The following ITPR1 variants were observed in gnomAD, a reference collection of about 807,000 sequenced individuals.
ITPR1 encodes the protein inositol 1,4,5-trisphosphate-gated calcium channel ITPR1.
In ITPR1, 96 loss-of-function variants were observed where a neutral mutation model predicts 318.4. The ratio of observed to expected loss-of-function variants is 0.30; its 90% CI spans 0.26 to 0.36. The LOEUF (loss-of-function observed/expected upper bound fraction) is 0.36. Ranked by LOEUF, ITPR1 falls within the 10% of genes least tolerant of loss-of-function variation. ITPR1 has a pLI of 1.00. For missense variants in ITPR1, 2,440 were observed against 3,460.2 expected (o/e 0.71, Z 7.40); for synonymous variants, 1,312 against 1,289.9 (o/e 1.02, Z -0.37).
chr3:4,649,176 G>T (rs1301214961), intron 10 of ITPR1, among the ~76,000 whole-genome samples: 2 of 152,164 alleles, frequency 1.3e-5, no homozygotes, highest in Non-Finnish European at 2.9e-5. Flanking sequence ...AAGAAAACAA[G>T]GGAAGAAGTG....
At chr3:4,688,740 C>T (rs1215886396) in intron 31 of ITPR1, 120 bp downstream of exon 31, 6 of 914,710 alleles carry the variant, frequency 6.6e-6, no homozygotes, top group Non-Finnish European at 9.7e-6. Context: ...AACATTCATT[C>T]CAAAGGGGAA....
In ITPR1 at chr3:4,645,369, C is replaced by T; in HGVS notation, c.625-18C>T. 6.3e-7 allele frequency: 1 copy of T among 1,581,970 alleles called. No homozygotes were observed. Among genetic ancestry groups the T allele is most frequent in the Non-Finnish European group, 8.7e-7 (1 of 1,152,256 alleles). Reference sequence around the variant, plus strand: ...TTGTGAGGGGTACGTGAAAAAATAACTCGAATCTGTGTTTCAGGTCAATTC... The same window carrying T: ...TTGTGAGGGGTACGTGAAAAAATAATTCGAATCTGTGTTTCAGGTCAATTC... On this transcript the variant is annotated intron_variant, in intron 8 of 61. Transcript: ENST00000649015.
chr3:4,655,929 C>G (rs1559624480), intron 12 of ITPR1, among the ~76,000 whole-genome samples: 1 of 152,194 alleles, frequency 6.6e-6, no homozygotes. Context: ...CCCTCATACT[C>G]TTCTTGGTTT....
intron 44 of ITPR1, among the ~76,000 whole-genome samples, chr3:4,738,268 GCTTTA>G (rs2043426778): frequency 6.6e-6 from 1 of 152,152 alleles, no homozygotes. Flanking sequence ...AAATTAGTGT[GCTTTA>G]CTGTACCTAT....
At chr3:4,598,514 G>A (rs934561498) in intron 4 of ITPR1, among the ~76,000 whole-genome samples, 4 of 152,052 alleles carry the variant, frequency 2.6e-5, no homozygotes, top group African/African-American at 4.8e-5. Context: ...CCAGCTACTC[G>A]GTGGGGCCGA....
At chr3:4,711,562 C>A in intron 38 of ITPR1, 195 bp from the exon 39 acceptor site, 1 of 551,348 alleles carries the variant, frequency 1.8e-6, no homozygotes, top group Admixed American at 3.2e-5. Context: ...TGTGATTTAC[C>A]AGCAGGTGTC....
chr3:4,572,001 A>G (rs2088056211), intron 4 of ITPR1, among the ~76,000 whole-genome samples: 1 of 152,182 alleles, frequency 6.6e-6, no homozygotes, highest in African/African-American at 2.4e-5. Flanking sequence ...GTCTGAGTCT[A>G]ATTCATTTCC....
At chr3:4,580,210 A>G (rs1336963406) in intron 4 of ITPR1, among the ~76,000 whole-genome samples, 2 of 151,452 alleles carry the variant, frequency 1.3e-5, no homozygotes, top group Non-Finnish European at 2.9e-5. Context: ...ACTCCGTCTC[A>G]AAAAAAAACC....
chr3:4,537,322 G>A (rs750289226), intron 4 of ITPR1, among the ~76,000 whole-genome samples: 4 of 152,136 alleles, frequency 2.6e-5, no homozygotes, highest in Non-Finnish European at 5.9e-5. Flanking sequence ...TCTTTAAAGG[G>A]CTGTTTCTTC....
At chr3:4,680,770 C>T (rs928465152) in intron 25 of ITPR1, 79 bp downstream of exon 25, 23 of 1,288,522 alleles carry the variant, frequency 1.8e-5, no homozygotes, top group Non-Finnish European at 2.3e-5. Flanking sequence ...ACAGTATCTT[C>T]TAGAAAAAGG....
chr3:4,765,074 G>GAAAA (rs1553734300), intron 44 of ITPR1, among the ~76,000 whole-genome samples: 1 of 151,782 alleles, frequency 6.6e-6, no homozygotes, highest in Admixed American at 6.6e-5. Context: ...TAAAAGAAAA[G>GAAAA]AAAAGAAAAG....
chr3:4,686,054 A>T (rs2094388882), intron 30 of ITPR1, among the ~76,000 whole-genome samples: 1 of 152,158 alleles, frequency 6.6e-6, no homozygotes, highest in South Asian at 2.1e-4. Context: ...CTTTATACAC[A>T]TTATTAGCTC....
chr3:4,499,895 C>A (rs894043680), intron 2 of ITPR1, among the ~76,000 whole-genome samples: 3 of 152,164 alleles, frequency 2.0e-5, no homozygotes, highest in African/African-American at 7.2e-5. Context: ...TGCCAGCCTT[C>A]CCAGTAGCTG....
intron 6 of ITPR1, 120 bp downstream of exon 6, chr3:4,639,590 GT>G: frequency 1.4e-6 from 1 of 705,194 alleles, no homozygotes; most frequent in Non-Finnish European, 2.4e-6. Context: ...GAGGCAGCCA[GT>G]TTATTGCAAA....
At chr3:4,705,286 T>C (rs2094733470) in intron 36 of ITPR1, among the ~76,000 whole-genome samples, 1 of 152,188 alleles carries the variant, frequency 6.6e-6, no homozygotes, top group Non-Finnish European at 1.5e-5. Context: ...GCAAGGGTAA[T>C]ACAGAGAGTT....
intron 4 of ITPR1, among the ~76,000 whole-genome samples, chr3:4,554,602 G>A (rs2085933284): frequency 6.6e-6 from 1 of 152,108 alleles, no homozygotes; most frequent in Non-Finnish European, 1.5e-5. Context: ...AGGAGTGACA[G>A]TGTGGCTACA....
intron 44 of ITPR1, among the ~76,000 whole-genome samples, chr3:4,748,716 A>G (rs978607904): frequency 6.6e-6 from 1 of 152,104 alleles, no homozygotes; most frequent in Non-Finnish European, 1.5e-5. Context: ...TTACAAGAGG[A>G]AGTATCCCGT....
At chr3:4,517,114 C>G (rs2082225586) in intron 3 of ITPR1, among the ~76,000 whole-genome samples, 2 of 152,228 alleles carry the variant, frequency 1.3e-5, no homozygotes, top group East Asian at 1.9e-4. Flanking sequence ...GATTTTTGCT[C>G]TTTTGTGCTT....
intron 60 of ITPR1, chr3:4,831,053 T>C (rs1345954936): frequency 2.2e-6 from 1 of 456,206 alleles, no homozygotes; most frequent in African/African-American, 2.0e-5. Context: ...CTTCTCAGAA[T>C]GATTCGCATT....
Sources: gnomAD v4.1 joint callset for allele counts (sites outside exome capture counted in the v4.1 genomes callset) on GRCh38, gnomAD v4.1.1 for gene constraint, MANE v1.5 for transcripts, NCBI Gene and HGNC (gene_info 2026-07-23, HGNC 2026-07-21) for gene names.